RERE: variants seen among roughly 807,000 people sequenced by gnomAD.
RERE encodes arginine-glutamic acid dipeptide repeats protein.
RERE carries 40 observed loss-of-function variants against 146.1 expected under a neutral mutation model. That is an observed-to-expected ratio of 0.27 (90% CI 0.21 to 0.36). RERE has a LOEUF of 0.36. RERE is among the 10% of genes least tolerant of loss of function. RERE has a pLI of 1.00. For synonymous variants in RERE, 1,003 were observed against 866.0 expected (o/e 1.16, Z -2.78); for missense variants, 1,933 against 2,138.7 (o/e 0.90, Z 1.90).
At chr1:8,802,952 A>T (rs111905864) in intron 1 of RERE, among the ~76,000 whole-genome samples, 1 of 152,284 alleles carries the variant, frequency 6.6e-6, no homozygotes, top group South Asian at 2.1e-4. Flanking sequence ...GGGCCCTGGT[A>T]TGCCTCCTGA....
intron 12 of RERE, among the ~76,000 whole-genome samples, chr1:8,382,875 T>C (rs1402074970): frequency 6.6e-6 from 1 of 152,154 alleles, no homozygotes; most frequent in East Asian, 1.9e-4. Flanking sequence ...GTGGTGAGGA[T>C]GGAAGTGCCA....
At chr1:8,598,368 A>C (rs930392761) in intron 4 of RERE, among the ~76,000 whole-genome samples, 25 of 152,226 alleles carry the variant, frequency 1.6e-4, no homozygotes, top group African/African-American at 6.0e-4. Flanking sequence ...TGATTCCAGC[A>C]GGTGACAGGT....
At chr1:8,787,387 C>T (rs1192246549) in intron 1 of RERE, among the ~76,000 whole-genome samples, 1 of 152,236 alleles carries the variant, frequency 6.6e-6, no homozygotes, top group African/African-American at 2.4e-5. Flanking sequence ...ATCATGGTTG[C>T]CTCATTTTAT....
At chr1:8,678,728 T>C (rs1186408345) in intron 1 of RERE, among the ~76,000 whole-genome samples, 1 of 152,028 alleles carries the variant, frequency 6.6e-6, no homozygotes, top group Non-Finnish European at 1.5e-5. Context: ...AAAAAGTAAA[T>C]TATAACTCTC....
intron 1 of RERE, among the ~76,000 whole-genome samples, chr1:8,721,381 G>A (rs1197780019): frequency 1.3e-5 from 2 of 151,982 alleles, no homozygotes; most frequent in South Asian, 2.1e-4. Context: ...GCCCAACCTC[G>A]GCTCACTGTA....
At chr1:8,777,341 T>G (rs1470052186) in intron 1 of RERE, among the ~76,000 whole-genome samples, 2 of 152,064 alleles carry the variant, frequency 1.3e-5, no homozygotes, top group African/African-American at 2.4e-5. Flanking sequence ...CAATTAAAAT[T>G]TAATAATGGA....
At chr1:8,786,123 C>T in intron 1 of RERE, 1 of 458,728 alleles carries the variant, frequency 2.2e-6, no homozygotes, top group Non-Finnish European at 4.0e-6. Flanking sequence ...GTCTAACTTT[C>T]TTTTTTTTCA....
intron 3 of RERE, among the ~76,000 whole-genome samples, chr1:8,618,183 C>G (rs1199326455): frequency 2.0e-5 from 3 of 152,210 alleles, no homozygotes; most frequent in South Asian, 4.1e-4. Context: ...AAGGTACCAA[C>G]TAAACATCAA....
chr1:8,496,624 A>G (rs1157411358), intron 9 of RERE, among the ~76,000 whole-genome samples: 1 of 152,208 alleles, frequency 6.6e-6, no homozygotes, highest in Non-Finnish European at 1.5e-5. Context: ...CACTACATAC[A>G]AAGTCTGCCT....
At chr1:8,725,948 A>G (rs1365966729) in intron 1 of RERE, among the ~76,000 whole-genome samples, 3 of 141,600 alleles carry the variant, frequency 2.1e-5, no homozygotes, top group Non-Finnish European at 4.6e-5. Flanking sequence ...TTAAAAAAAA[A>G]GTCAAAATAA....
rs192876599 is a variant in RERE, at chr1:8,412,654, T to C, written c.1284+10073A>G. Reference sequence around the variant, plus strand: ...TAAACCTGCTGAGAAAAATAAACAATGGATTTCAATCTTATAAATAATCTA... The same window carrying C: ...TAAACCTGCTGAGAAAAATAAACAACGGATTTCAATCTTATAAATAATCTA... On this transcript the variant is annotated intron_variant, in intron 12 of 22. Coordinates refer to ENST00000400908, the MANE Select transcript of RERE (RefSeq NM_001042681.2). Among the ~76,000 whole-genome samples, 112 of 152,328 alleles carry C rather than the reference T, an allele frequency of 7.4e-4. 1 individual carries two copies. Among genetic ancestry groups the C allele is most frequent in the African/African-American group, 8.9e-4 (37 of 41,574 alleles).
chr1:8,684,920 C>T (rs1410291645), intron 1 of RERE, among the ~76,000 whole-genome samples: 2 of 152,224 alleles, frequency 1.3e-5, no homozygotes, highest in East Asian at 1.9e-4. Context: ...GTGCAGTGCA[C>T]GATCATGGCT....
chr1:8,614,450 A>G, intron 4 of RERE, 111 bp downstream of exon 4: 1 of 1,171,914 alleles, frequency 8.5e-7, no homozygotes, highest in Non-Finnish European at 1.2e-6. Flanking sequence ...TTAAAAACAC[A>G]TATAATACAG....
chr1:8,360,053 G>T, intron 18 of RERE, 59 bp downstream of exon 18: 1 of 970,140 alleles, frequency 1.0e-6, no homozygotes, highest in Admixed American at 1.9e-5. Context: ...CCTCCCACCA[G>T]AACTTGCCCC....
intron 11 of RERE, among the ~76,000 whole-genome samples, chr1:8,428,161 A>C (rs1419066756): frequency 6.6e-6 from 1 of 152,176 alleles, no homozygotes; most frequent in African/African-American, 2.4e-5. Flanking sequence ...TAAAGGAGGA[A>C]GGAAATATAG....
At chr1:8,462,424 A>G (rs1644538626) in intron 11 of RERE, among the ~76,000 whole-genome samples, 1 of 152,264 alleles carries the variant, frequency 6.6e-6, no homozygotes, top group South Asian at 2.1e-4. Context: ...GAGGGGAGAC[A>G]GTGCGAAGAG....
chr1:8,425,436 G>C (rs1257110359), intron 11 of RERE, among the ~76,000 whole-genome samples: 2 of 152,212 alleles, frequency 1.3e-5, no homozygotes, highest in East Asian at 1.9e-4. Context: ...AGACTGCAGT[G>C]GTCTGTAGTA....
At chr1:8,502,657 T>TG (rs1331620266) in intron 8 of RERE, among the ~76,000 whole-genome samples, 3 of 147,500 alleles carry the variant, frequency 2.0e-5, no homozygotes, top group Non-Finnish European at 4.5e-5. Flanking sequence ...GCGGGAAGGG[T>TG]GGGGAAAAAA....
At chr1:8,399,338 T>C (rs943817774) in intron 12 of RERE, among the ~76,000 whole-genome samples, 5 of 152,180 alleles carry the variant, frequency 3.3e-5, no homozygotes, top group Admixed American at 3.3e-4. Flanking sequence ...AGTTTTAAAG[T>C]CTTGTTTTTC....
Sources: gnomAD v4.1 joint callset for allele counts (sites outside exome capture counted in the v4.1 genomes callset) on GRCh38, gnomAD v4.1.1 for gene constraint, MANE v1.5 for transcripts, NCBI Gene and HGNC (gene_info 2026-07-23, HGNC 2026-07-21) for gene names.